RMDN2: variants seen among roughly 807,000 people sequenced by gnomAD.
The protein encoded by RMDN2 is regulator of microtubule dynamics 2.
RMDN2 carries 61 observed loss-of-function variants against 52.8 expected under a neutral mutation model. The ratio of observed to expected loss-of-function variants is 1.16; its 90% CI spans 0.94 to 1.43. The LOEUF is 1.43. Ranked by LOEUF, RMDN2 falls within the 40% of genes most tolerant of loss-of-function variation. The probability of loss-of-function intolerance (pLI) is 0.00; values close to 1 mark genes in which losing one functional copy is unlikely to be tolerated. For missense variants in RMDN2, 592 were observed against 475.3 expected (o/e 1.25, Z -2.28); for synonymous variants, 180 against 153.1 (o/e 1.18, Z -1.30).
upstream of RMDN2, among the ~76,000 whole-genome samples, chr2:37,922,972 C>A (rs558059057): frequency 2.0e-5 from 3 of 152,306 alleles, no homozygotes; most frequent in South Asian, 2.1e-4. Flanking sequence ...TGGGGCAAAT[C>A]GTGAAGGGTC....
chr2:37,978,170 A>G (rs923639088), intron 4 of RMDN2, among the ~76,000 whole-genome samples: 1 of 151,914 alleles, frequency 6.6e-6, no homozygotes, highest in Non-Finnish European at 1.5e-5. Context: ...AAATACGAAA[A>G]CCAGTCAGGC....
At chr2:37,970,649 A>G (rs938951667) in intron 2 of RMDN2, among the ~76,000 whole-genome samples, 3 of 152,174 alleles carry the variant, frequency 2.0e-5, no homozygotes, top group East Asian at 1.9e-4. Context: ...AAACTATTCT[A>G]TGTGTGCATG....
In RMDN2 at chr2:37,974,166, G is replaced by C; in HGVS notation, c.579G>C (p.Glu193Asp). ...LQKVDHLRMS[E>D]SGKSESFELL... Reference sequence around the variant, plus strand: ...AGGTAGATCATTTACGTATGAGTGAGTCTGGCAAGTCGGAGAGTTTTGAAC... The same window carrying C: ...AGGTAGATCATTTACGTATGAGTGACTCTGGCAAGTCGGAGAGTTTTGAAC... The change falls in exon 3 of 11, where the codon GAG becomes GAC. Residue 193 changes from glutamate (E) to aspartate (D), a missense_variant. Transcript: ENST00000354545. The C allele has an allele frequency of 1.2e-6, 2 of 1,613,496 alleles. No homozygotes were observed. Among genetic ancestry groups the C allele is most frequent in the African/African-American group, 1.3e-5 (1 of 75,018 alleles).
intron 2 of RMDN2, among the ~76,000 whole-genome samples, chr2:37,940,580 C>G (rs1339517804): frequency 6.6e-6 from 1 of 152,054 alleles, no homozygotes; most frequent in Non-Finnish European, 1.5e-5. Flanking sequence ...TTTGTTCATT[C>G]CTTTTCATTC....
intron 10 of RMDN2, among the ~76,000 whole-genome samples, chr2:38,056,003 C>CA (rs1681843312): frequency 6.6e-6 from 1 of 152,178 alleles, no homozygotes; most frequent in Non-Finnish European, 1.5e-5. Context: ...CCCTGACACA[C>CA]ACACAAATAC....
intron 10 of RMDN2, among the ~76,000 whole-genome samples, chr2:38,045,503 A>T (rs74419640): frequency 0.16 from 23,727 of 152,124 alleles, 3,556 homozygotes; most frequent in African/African-American, 0.39. Flanking sequence ...CTTCTTCCTC[A>T]CCTTTTAGAA....
downstream of RMDN2, among the ~76,000 whole-genome samples, chr2:38,022,577 A>G (rs1679473213): frequency 6.6e-6 from 1 of 152,232 alleles, no homozygotes; most frequent in African/African-American, 2.4e-5. Flanking sequence ...ATTTCAGAAG[A>G]TAAGAATCAA....
At chr2:37,965,418 A>C (rs1670908183) in intron 2 of RMDN2, among the ~76,000 whole-genome samples, 2 of 144,370 alleles carry the variant, frequency 1.4e-5, no homozygotes, top group South Asian at 4.3e-4. Context: ...TGCCATGGGG[A>C]TTATTCATAG....
chr2:37,951,316 C>T lies in RMDN2; in HGVS notation c.452+21587C>T, dbSNP rs773070126. The T allele has an allele frequency of 6.2e-6, 10 of 1,612,950 alleles. No homozygotes were observed. The highest frequency in any genetic ancestry group is 2.2e-5 in the East Asian group (1 of 44,870). On this transcript the variant is annotated intron_variant, in intron 2 of 10. Coordinates refer to ENST00000354545, the MANE Select transcript of RMDN2 (RefSeq NM_001170791.3). Reference sequence around the variant, plus strand: ...GACGCCCAGCATCGTGGAGCCTCTTCTATTTCACAACCAAGTATATCTCTT... The same window carrying T: ...GACGCCCAGCATCGTGGAGCCTCTTTTATTTCACAACCAAGTATATCTCTT...
intron 10 of RMDN2, among the ~76,000 whole-genome samples, chr2:38,057,334 C>G (rs1463124241): frequency 6.6e-6 from 1 of 152,262 alleles, no homozygotes; most frequent in Non-Finnish European, 1.5e-5. Context: ...TGGCTGTGCT[C>G]CAACATAACT....
chr2:37,977,016 C>T (rs750698565), intron 4 of RMDN2, among the ~76,000 whole-genome samples: 74 of 152,166 alleles, frequency 4.9e-4, no homozygotes, highest in Non-Finnish European at 9.4e-4. Context: ...GTTTGTGTCC[C>T]TGGGTACTTC....
intron 2 of RMDN2, among the ~76,000 whole-genome samples, chr2:37,933,019 C>T (rs1477225042): frequency 8.0e-5 from 12 of 149,386 alleles, no homozygotes; most frequent in East Asian, 2.0e-4. Flanking sequence ...ACTTCTCAGA[C>T]GGGGCGGCTG....
At chr2:38,044,657 C>T (rs1435344736) in intron 10 of RMDN2, among the ~76,000 whole-genome samples, 1 of 151,492 alleles carries the variant, frequency 6.6e-6, no homozygotes, top group African/African-American at 2.4e-5. Flanking sequence ...TGATTCTTTA[C>T]TTGGTTGTGT....
chr2:37,950,560 A>T (rs1558458026), intron 2 of RMDN2: 1 of 1,613,190 alleles, frequency 6.2e-7, no homozygotes, highest in South Asian at 1.1e-5. Flanking sequence ...GGAGAGACTT[A>T]CTTTGGATTA....
intron 10 of RMDN2, among the ~76,000 whole-genome samples, chr2:38,045,487 A>C (rs1014403637): frequency 1.3e-5 from 2 of 152,244 alleles, no homozygotes; most frequent in African/African-American, 4.8e-5. Flanking sequence ...AAAAAGGAGC[A>C]GGCAACTTCT....
chr2:37,929,301 GTTGATAC>G lies in RMDN2; in HGVS notation c.28_34del (p.Ile10AlafsTer24). 2 of 1,541,502 alleles carry G rather than the reference GTTGATAC, an allele frequency of 1.3e-6. No individual in the cohort carries two copies. The highest frequency in any genetic ancestry group is 1.8e-6 in the Non-Finnish European group (2 of 1,142,258). On this transcript the variant is annotated frameshift_variant, in exon 2 of 11. Transcript: ENST00000354545. LOFTEE classifies it high-confidence loss of function. ...AAATGCCTTATTCCACAAACAAAGAGTTGATACTTGGCATCATGGTGGGCACTGCTGG... is the reference window on the plus strand; with the variant it reads ...AAATGCCTTATTCCACAAACAAAGAGTTGGCATCATGGTGGGCACTGCTGG...
chr2:37,982,778 G>A (rs915262262), intron 5 of RMDN2, among the ~76,000 whole-genome samples: 1 of 152,060 alleles, frequency 6.6e-6, no homozygotes, highest in African/African-American at 2.4e-5. Flanking sequence ...GAGGGTCTTG[G>A]CAATTATTTA....
At chr2:38,000,420 GTAACCACCAC>G (rs1676158378) in intron 8 of RMDN2, among the ~76,000 whole-genome samples, 1 of 152,148 alleles carries the variant, frequency 6.6e-6, no homozygotes, top group African/African-American at 2.4e-5. Context: ...ATATACCTAT[GTAACCACCAC>G]TGTAACCACC....
Position 37,951,601 on chromosome 2 carries a change from C to G in RMDN2, c.452+21872C>G, listed in dbSNP as rs1051283312. On this transcript the variant is annotated intron_variant, in intron 2 of 10. Coordinates refer to ENST00000354545, the MANE Select transcript of RMDN2 (RefSeq NM_001170791.3). ...ATTTCCCGCAGAAGACGTTTCTCAT[C>G]CCGTAAACTAAGTATAGTTTCCTAT... 8 of 1,613,312 alleles carry G rather than the reference C, an allele frequency of 5.0e-6. No homozygotes were observed. The Admixed American group carries it at 1.0e-4, about 20-fold the overall frequency.
Sources: allele counts gnomAD v4.1 joint callset (sites outside exome capture counted in the v4.1 genomes callset), GRCh38; gene constraint gnomAD v4.1.1; transcripts MANE v1.5; gene names NCBI Gene and HGNC (gene_info 2026-07-23, HGNC 2026-07-21).